SPATA16: variants seen among roughly 807,000 people sequenced by gnomAD.
SPATA16 encodes spermatogenesis associated 16.
SPATA16 carries 36 observed loss-of-function variants against 63.3 expected under a neutral mutation model. The observed-to-expected ratio is 0.57, with a 90% CI of 0.44 to 0.75. The LOEUF (loss-of-function observed/expected upper bound fraction) is 0.75, where lower values mean the gene tolerates loss of function less well. SPATA16 is among the 30% of genes least tolerant of loss of function. SPATA16 has a pLI of 0.00. For synonymous variants in SPATA16, 203 were observed against 216.7 expected, an observed-to-expected ratio of 0.94 and a Z score of 0.56; for missense variants, 646 against 679.3, an observed-to-expected ratio of 0.95 and a Z score of 0.54.
At position 173,137,822 on chromosome 3, in the gene SPATA16, AACACACAC is replaced by A. The variant is rs1185263699; in HGVS notation, c.-19+3273_-19+3280del. 5.9e-3 allele frequency among the ~76,000 whole-genome samples: 725 copies of A among 122,274 alleles called. 5 individuals are homozygous for A. Among genetic ancestry groups the A allele is most frequent in the Middle Eastern group, 0.023 (5 of 222 alleles). 80.2% of individuals were successfully genotyped at this position (122,274 alleles called of 152,430 possible). On this transcript the variant is annotated intron_variant, in intron 1 of 10. Transcript: ENST00000351008. ...TCTGAGGGGGATCCCATGGACTCTC[AACACACAC>A]ACACACACACACACACACACACACA...
intron 4 of SPATA16, among the ~76,000 whole-genome samples, chr3:173,003,666 G>A (rs1355501806): frequency 2.0e-5 from 3 of 152,098 alleles, no homozygotes; most frequent in Non-Finnish European, 4.4e-5. Flanking sequence ...ACATAAATTG[G>A]GATGACAGTC....
chr3:173,099,448 T>C (rs1737438156), intron 2 of SPATA16, among the ~76,000 whole-genome samples: 1 of 152,218 alleles, frequency 6.6e-6, no homozygotes, highest in South Asian at 2.1e-4. Flanking sequence ...AATTTGGTAC[T>C]ATCCACAGTT....
chr3:173,123,858 C>G (rs1240642292), intron 1 of SPATA16, among the ~76,000 whole-genome samples: 3 of 152,108 alleles, frequency 2.0e-5, no homozygotes, highest in African/African-American at 7.2e-5. Flanking sequence ...CCCGCCTCAG[C>G]CTCCCAAAGT....
intron 3 of SPATA16, among the ~76,000 whole-genome samples, chr3:173,024,273 C>T (rs1735402249): frequency 6.6e-6 from 1 of 151,384 alleles, no homozygotes. Flanking sequence ...GTATTTATAA[C>T]TATTTTTTTC....
chr3:173,017,446 C>T (rs1396349830), intron 4 of SPATA16, among the ~76,000 whole-genome samples: 1 of 152,038 alleles, frequency 6.6e-6, no homozygotes, highest in Non-Finnish European at 1.5e-5. Context: ...TTTTGGGACC[C>T]ACGAAAAATT....
intron 5 of SPATA16, among the ~76,000 whole-genome samples, chr3:172,962,526 T>C (rs1357766909): frequency 6.6e-6 from 1 of 152,214 alleles, no homozygotes; most frequent in Non-Finnish European, 1.5e-5. Context: ...TTTTATCTAC[T>C]AATACTTGTG....
chr3:172,990,046 C>G (rs1242545076), intron 4 of SPATA16, among the ~76,000 whole-genome samples: 1 of 152,180 alleles, frequency 6.6e-6, no homozygotes, highest in African/African-American at 2.4e-5. Flanking sequence ...TTAGAGCCCT[C>G]TAAGTCTCCC....
intron 5 of SPATA16, among the ~76,000 whole-genome samples, chr3:172,969,883 G>GCATCA (rs1370773899): frequency 6.6e-6 from 1 of 152,112 alleles, no homozygotes; most frequent in Non-Finnish European, 1.5e-5. Flanking sequence ...TTTCTCTCTT[G>GCATCA]GAATCCTGCA....
At chr3:173,052,043 T>C (rs570828943) in intron 2 of SPATA16, among the ~76,000 whole-genome samples, 1 of 152,078 alleles carries the variant, frequency 6.6e-6, no homozygotes, top group South Asian at 2.1e-4. Flanking sequence ...ACTCCTGACC[T>C]CAGGTTATCC....
intron 2 of SPATA16, among the ~76,000 whole-genome samples, chr3:173,065,273 A>G (rs1336284627): frequency 2.0e-5 from 3 of 146,346 alleles, no homozygotes; most frequent in African/African-American, 7.9e-5. Context: ...TTTTTTTTTT[A>G]AAGAACATCT....
rs541155191 is a variant in SPATA16, at chr3:173,089,375, A to G, written c.612+27745T>C. Among the ~76,000 whole-genome samples, 13 of 152,284 alleles carry G rather than the reference A, an allele frequency of 8.5e-5. 1 individual carries two copies. In the South Asian group the frequency reaches 2.7e-3, roughly 32 times the overall value. On this transcript the variant is annotated intron_variant, in intron 2 of 10. Coordinates refer to ENST00000351008, the MANE Select transcript of SPATA16 (RefSeq NM_031955.6). ...AGTTTATTTTAGCTTCACTATACAA[A>G]TGTTCTTATCTGAGGATGGCTGAGG...
At chr3:173,065,328 T>C (rs559800485) in intron 2 of SPATA16, among the ~76,000 whole-genome samples, 1 of 152,278 alleles carries the variant, frequency 6.6e-6, no homozygotes, top group Non-Finnish European at 1.5e-5. Context: ...AAATGCTCTC[T>C]TAAGGCAACT....
chr3:173,036,343 G>A lies in SPATA16; in HGVS notation c.758+12606C>T, dbSNP rs77229961. Among the ~76,000 whole-genome samples the A allele has an allele frequency of 2.0e-3, 301 of 152,078 alleles. 6 individuals are homozygous for A. The East Asian group carries it at 0.047, about 24-fold the overall frequency. On this transcript the variant is annotated intron_variant, in intron 3 of 10. Transcript: ENST00000351008. ...TTGGAAAACTTATATCTGTCACTGC[G>A]AGCTTGACAGTCACCTAATGCTTTA...
At chr3:173,080,060 G>A (rs965986490) in intron 2 of SPATA16, among the ~76,000 whole-genome samples, 50 of 152,096 alleles carry the variant, frequency 3.3e-4, no homozygotes, top group African/African-American at 9.4e-4. Flanking sequence ...TTTTTCTCTG[G>A]ATCATGGAAT....
intron 6 of SPATA16, among the ~76,000 whole-genome samples, chr3:172,927,780 G>A (rs1428915618): frequency 6.6e-6 from 1 of 152,192 alleles, no homozygotes; most frequent in Non-Finnish European, 1.5e-5. Context: ...CGGGAAACAT[G>A]CCATAGGAAT....
rs529638825 is a variant in SPATA16, at chr3:172,956,840, C to A, written c.934-16G>T. ...CAATCATGGCCTAAGAGGAAACAAACAACCCATTTGGCATCAATAACAATA... is the reference window on the plus strand; with the variant it reads ...CAATCATGGCCTAAGAGGAAACAAAAAACCCATTTGGCATCAATAACAATA... On this transcript the variant is annotated splice_polypyrimidine_tract_variant and intron_variant, in intron 5 of 10. Coordinates refer to ENST00000351008, the MANE Select transcript of SPATA16 (RefSeq NM_031955.6). 7 of 1,612,930 alleles carry A rather than the reference C, an allele frequency of 4.3e-6. No homozygotes were observed. The South Asian group carries it at 7.7e-5, about 18-fold the overall frequency.
intron 6 of SPATA16, among the ~76,000 whole-genome samples, chr3:172,928,483 G>A (rs1274802906): frequency 6.6e-6 from 1 of 152,116 alleles, no homozygotes; most frequent in Non-Finnish European, 1.5e-5. Context: ...GAGTAACCTC[G>A]AGATTTGGCA....
At chr3:172,900,480 T>G (rs535801012) in intron 10 of SPATA16, among the ~76,000 whole-genome samples, 5 of 152,324 alleles carry the variant, frequency 3.3e-5, no homozygotes, top group African/African-American at 9.6e-5. Flanking sequence ...TCAGCCACTA[T>G]TTCTTTGAGA....
intron 10 of SPATA16, among the ~76,000 whole-genome samples, chr3:172,892,558 A>G (rs1042975881): frequency 2.0e-5 from 3 of 152,190 alleles, no homozygotes; most frequent in Non-Finnish European, 4.4e-5. Flanking sequence ...TAGCTTCTAT[A>G]CTTACTGACG....
Sources: gnomAD v4.1 joint callset for allele counts (sites outside exome capture counted in the v4.1 genomes callset) on GRCh38, gnomAD v4.1.1 for gene constraint, MANE v1.5 for transcripts, NCBI Gene and HGNC (gene_info 2026-07-23, HGNC 2026-07-21) for gene names.